TASP1: variants seen among roughly 807,000 people sequenced by gnomAD.
TASP1 encodes taspase 1.
Under a neutral mutation model 56.6 loss-of-function variants are expected in TASP1, and 16 were observed. The observed-to-expected ratio is 0.28, with a 90% confidence interval of 0.19 to 0.43. TASP1 has a LOEUF of 0.43. Ranked by LOEUF, TASP1 falls within the 20% of genes least tolerant of loss-of-function variation. The pLI is 1.00. For missense variants in TASP1, 393 were observed against 511.6 expected (o/e 0.77, Z 2.24); for synonymous variants, 179 against 184.2 (o/e 0.97, Z 0.23).
At chr20:13,220,643 C>G in the TASP1 span, among the ~76,000 whole-genome samples, 97 of 152,374 alleles carry the variant, frequency 6.4e-4, 1 homozygote, top group Non-Finnish European at 1.0e-3. Flanking sequence ...AGTCGGACTC[C>G]CCTCCCTTCC....
At chr20:13,191,503 T>C in the TASP1 span, among the ~76,000 whole-genome samples, 1 of 152,208 alleles carries the variant, frequency 6.6e-6, no homozygotes, top group Non-Finnish European at 1.5e-5. Flanking sequence ...AGACAAATAC[T>C]GCGTGTTCTC....
chr20:13,493,175 A>G (rs574517423), intron 10 of TASP1, among the ~76,000 whole-genome samples: 1 of 152,322 alleles, frequency 6.6e-6, no homozygotes, highest in Admixed American at 6.5e-5. Context: ...AACAAACAAA[A>G]AAACCTTCAA....
chr20:13,513,025 T>C (rs1482327619), intron 10 of TASP1, among the ~76,000 whole-genome samples: 1 of 152,162 alleles, frequency 6.6e-6, no homozygotes, highest in East Asian at 1.9e-4. Flanking sequence ...TAGTTTGAAG[T>C]CAGGTAGCGA....
At chr20:13,303,681 A>C in the TASP1 span, among the ~76,000 whole-genome samples, 1 of 152,226 alleles carries the variant, frequency 6.6e-6, no homozygotes, top group Non-Finnish European at 1.5e-5. Context: ...GTTGTCAGAC[A>C]AGTTAATACA....
At chr20:13,390,729 G>A (rs1045170833) in intron 13 of TASP1, among the ~76,000 whole-genome samples, 8 of 152,242 alleles carry the variant, frequency 5.3e-5, no homozygotes, top group Admixed American at 3.9e-4. Context: ...ACCCCTGACC[G>A]CACAGAATGT....
chr20:13,490,766 TTGA>T (rs2043498640), intron 10 of TASP1, among the ~76,000 whole-genome samples: 1 of 152,092 alleles, frequency 6.6e-6, no homozygotes, highest in Non-Finnish European at 1.5e-5. Context: ...AGACTCATGT[TTGA>T]ATCCAGCAGG....
chr20:13,574,810 A>G, intron 6 of TASP1, among the ~76,000 whole-genome samples: 1 of 152,210 alleles, frequency 6.6e-6, no homozygotes, highest in East Asian at 1.9e-4. Flanking sequence ...GAGAGAAAAA[A>G]CAATGAAAAA....
the TASP1 span, among the ~76,000 whole-genome samples, chr20:13,127,359 G>A: frequency 5.4e-4 from 83 of 152,302 alleles, no homozygotes; most frequent in African/African-American, 1.9e-3. Context: ...GAGGGGATAC[G>A]GTGCTGAATA....
chr20:13,232,867 G>A, the TASP1 span, among the ~76,000 whole-genome samples: 22,532 of 152,182 alleles, frequency 0.15, 1,736 homozygotes, highest in East Asian at 0.24. Flanking sequence ...CTGAAAGAAG[G>A]AGAGAAGATA....
chr20:13,625,156 T>C, intron 3 of TASP1, 29 bp downstream of exon 3: 6 of 1,509,622 alleles, frequency 4.0e-6, no homozygotes, highest in Non-Finnish European at 5.3e-6. Context: ...AAAACTGCAA[T>C]GCACAGATCA....
chr20:13,400,149 C>CT (rs1276658291), intron 13 of TASP1, among the ~76,000 whole-genome samples: 9 of 152,148 alleles, frequency 5.9e-5, no homozygotes, highest in African/African-American at 2.2e-4. Flanking sequence ...TATGTAAGTC[C>CT]TCAAGTACAG....
the TASP1 span, among the ~76,000 whole-genome samples, chr20:13,231,025 C>G: frequency 6.6e-6 from 1 of 152,162 alleles, no homozygotes; most frequent in Non-Finnish European, 1.5e-5. Flanking sequence ...CTCTTCCCTG[C>G]CTTCCTCCCT....
At chr20:13,341,473 A>T in the TASP1 span, among the ~76,000 whole-genome samples, 1 of 152,144 alleles carries the variant, frequency 6.6e-6, no homozygotes, top group East Asian at 1.9e-4. Context: ...TTTCCGTAAC[A>T]TGAGGGTAAC....
At chr20:13,501,165 T>C (rs2043931067) in intron 10 of TASP1, among the ~76,000 whole-genome samples, 2 of 152,052 alleles carry the variant, frequency 1.3e-5, no homozygotes, top group South Asian at 4.2e-4. Context: ...ATATTTCTGA[T>C]AAACAAAGCT....
chr20:13,335,832 G>A, the TASP1 span, among the ~76,000 whole-genome samples: 1 of 152,086 alleles, frequency 6.6e-6, no homozygotes, highest in Non-Finnish European at 1.5e-5. Context: ...ACAAATTAGA[G>A]GATCAATCCA....
At chr20:13,274,290 C>T in the TASP1 span, among the ~76,000 whole-genome samples, 21 of 152,162 alleles carry the variant, frequency 1.4e-4, no homozygotes, top group Non-Finnish European at 2.8e-4. Context: ...TGGTTTGACA[C>T]AGGGCCGATT....
chr20:13,553,494 A>C (rs927494342), intron 8 of TASP1, among the ~76,000 whole-genome samples: 2 of 152,170 alleles, frequency 1.3e-5, no homozygotes. Context: ...TTCACAATAT[A>C]ATACTACAGC....
At chr20:13,182,882 T>C in the TASP1 span, among the ~76,000 whole-genome samples, 1 of 152,176 alleles carries the variant, frequency 6.6e-6, no homozygotes, top group African/African-American at 2.4e-5. Context: ...TTGACAACAG[T>C]TCATTTAAGG....
At chr20:13,198,826 CTTT>C in the TASP1 span, among the ~76,000 whole-genome samples, 175 of 139,124 alleles carry the variant, frequency 1.3e-3, 1 homozygote, top group East Asian at 0.011. Context: ...TTCTTTCTTT[CTTT>C]CTTTCTTTCT....
Sources: allele counts gnomAD v4.1 joint callset (sites outside exome capture counted in the v4.1 genomes callset), GRCh38; gene constraint gnomAD v4.1.1; transcripts MANE v1.5; gene names NCBI Gene and HGNC (gene_info 2026-07-23, HGNC 2026-07-21).